Variants in PABPC4 observed in about 807,000 individuals in gnomAD.
PABPC4 encodes the protein poly(A) binding protein cytoplasmic 4, also known as polyadenylate-binding protein 4.
A neutral mutation model predicts 74.5 loss-of-function variants in PABPC4; 15 were observed. The observed-to-expected ratio is 0.20, with a 90% confidence interval of 0.13 to 0.31. The LOEUF is 0.31. PABPC4 is among the 10% of genes least tolerant of loss of function. The probability of loss-of-function intolerance (pLI) is 1.00; values close to 1 mark genes in which losing one functional copy is unlikely to be tolerated. For synonymous variants in PABPC4, 345 were observed against 303.0 expected (o/e 1.14, Z -1.44); for missense variants, 610 against 853.5 (o/e 0.71, Z 3.55).
chr1:39,575,675 C>T, intron 1 of PABPC4, 84 bp downstream of exon 1: 1 of 1,195,628 alleles, frequency 8.4e-7, no homozygotes, highest in Admixed American at 2.8e-5. Context: ...TGATGCCGCC[C>T]TCCTCGGCAG....
intron 3 of PABPC4, 119 bp from the exon 4 acceptor site, chr1:39,570,121 A>G: frequency 1.0e-6 from 1 of 981,112 alleles, no homozygotes; most frequent in Non-Finnish European, 1.5e-6. Context: ...ATCCCCATCC[A>G]CCACCAAGGA....
intron 2 of PABPC4, 86 bp downstream of exon 2, chr1:39,572,307 A>G (rs1645953545): frequency 9.5e-7 from 1 of 1,055,778 alleles, no homozygotes; most frequent in Non-Finnish European, 1.4e-6. Context: ...TTGTTCCCCA[A>G]TTCCAAGATA....
intron 8 of PABPC4, 26 bp downstream of exon 8, chr1:39,565,080 G>T (rs375737816): frequency 8.1e-6 from 13 of 1,610,332 alleles, no homozygotes; most frequent in Non-Finnish European, 1.1e-5. Flanking sequence ...AGGTTCCCAA[G>T]AGCTGTGACC....
chr1:39,574,891 G>C (rs1645994828), intron 1 of PABPC4, among the ~76,000 whole-genome samples: 1 of 152,208 alleles, frequency 6.6e-6, no homozygotes, highest in Non-Finnish European at 1.5e-5. Context: ...CATGCTCCAC[G>C]CTAAGGCCAC....
intron 6 of PABPC4, 89 bp downstream of exon 6, chr1:39,568,713 C>A: frequency 8.0e-7 from 1 of 1,247,574 alleles, no homozygotes; most frequent in Non-Finnish European, 1.1e-6. Flanking sequence ...CACTCCAAGT[C>A]CTCAAAAAGA....
chr1:39,576,452 G>C lies in PABPC4; in HGVS notation c.-501C>G, dbSNP rs1340871296. ...ACTCGGCGAGCCCCGGGCGGGCGGC[G>C]AAGGGCAGCACGGACACGTGGTGCG... On this transcript the variant is annotated 5_prime_UTR_variant, in exon 1 of 16. Transcript: ENST00000372858. 2 of 151,000 alleles carry C rather than the reference G, an allele frequency of 1.3e-5. No individual in the cohort carries two copies. Among genetic ancestry groups the C allele is most frequent in the Non-Finnish European group, 3.0e-5 (2 of 67,582 alleles). The allele number at this position is 151,000 out of a possible 1,614,324, so 9.4% of individuals were successfully genotyped here.
chr1:39,576,152 G>A lies in PABPC4; in HGVS notation c.-201C>T, dbSNP rs935440834. ...GGCCGGCTCCCACGGCCGCAGCACC[G>A]CAGACAAAAGGCTCTCCGCACAATA... On this transcript the variant is annotated 5_prime_UTR_variant, in exon 1 of 16. Transcript: ENST00000372858. 1.6e-5 allele frequency: 8 copies of A among 504,192 alleles called. No individual in the cohort carries two copies. Among genetic ancestry groups the A allele is most frequent in the African/African-American group, 1.4e-4 (7 of 48,950 alleles). The allele number at this position is 504,192 out of a possible 1,614,324, so 31.2% of individuals were successfully genotyped here.
intron 12 of PABPC4, chr1:39,563,085 A>G: frequency 6.4e-6 from 1 of 155,320 alleles, no homozygotes; most frequent in Non-Finnish European, 1.4e-5. Flanking sequence ...TGACACCTCC[A>G]CAGCAAATTG....
intron 1 of PABPC4, among the ~76,000 whole-genome samples, chr1:39,575,360 C>A (rs190763932): frequency 8.1e-4 from 124 of 152,284 alleles, no homozygotes; most frequent in African/African-American, 2.7e-3. Flanking sequence ...GTAAAACTTT[C>A]GCGGGGAATT....
chr1:39,569,053 C>T, intron 5 of PABPC4, 114 bp from the exon 6 acceptor site: 1 of 1,106,068 alleles, frequency 9.0e-7, no homozygotes, highest in South Asian at 1.5e-5. Context: ...TAAATTCACT[C>T]CACCTCTGAA....
In PABPC4 at chr1:39,564,986, T is replaced by C. The variant is rs143913717; in HGVS notation, c.1245+120A>G. ...CCATGGGTAAGTCCTTCATTTTTACTTGAAGGGTCCTTATTGTGACATTCT... is the reference window on the plus strand; with the variant it reads ...CCATGGGTAAGTCCTTCATTTTTACCTGAAGGGTCCTTATTGTGACATTCT... On this transcript the variant is annotated intron_variant, in intron 8 of 15. Transcript: ENST00000372858. 1,083 of 1,137,694 alleles carry C rather than the reference T, an allele frequency of 9.5e-4. 5 individuals are homozygous for C. Among genetic ancestry groups the C allele is most frequent in the East Asian group, 8.9e-3 (361 of 40,702 alleles). The allele number at this position is 1,137,694 out of a possible 1,614,324, so 70.5% of individuals were successfully genotyped here.
chr1:39,570,635 CT>C (rs1184792538), intron 3 of PABPC4: 2 of 155,170 alleles, frequency 1.3e-5, no homozygotes, highest in Admixed American at 6.3e-5. Flanking sequence ...TAAGTTCCCC[CT>C]CTCTGCATTC....
Position 39,569,713 on chromosome 1 carries a change from T to C in PABPC4, c.644-24A>G, listed in dbSNP as rs1429548010. The C allele has an allele frequency of 4.4e-6, 7 of 1,595,776 alleles. No homozygotes were observed. The African/African-American group carries it at 6.7e-5, about 15-fold the overall frequency. On this transcript the variant is annotated intron_variant, in intron 4 of 15. Coordinates refer to ENST00000372858, the MANE Select transcript of PABPC4 (RefSeq NM_001135653.2). Reference sequence around the variant, plus strand: ...ACCTATTACCAAAGGACAGAACTATTAGTAACACCATCTTGAGCACAGCTC... The same window carrying C: ...ACCTATTACCAAAGGACAGAACTATCAGTAACACCATCTTGAGCACAGCTC...
At chr1:39,570,078 G>A in intron 3 of PABPC4, 76 bp from the exon 4 acceptor site, 6 of 1,420,474 alleles carry the variant, frequency 4.2e-6, no homozygotes, top group Non-Finnish European at 5.8e-6. Flanking sequence ...AGGAATACAG[G>A]TTAAAGACTG....
intron 5 of PABPC4, among the ~76,000 whole-genome samples, chr1:39,569,294 C>T (rs954053828): frequency 6.6e-6 from 1 of 152,198 alleles, no homozygotes; most frequent in African/African-American, 2.4e-5. Flanking sequence ...AAGTAGCTGC[C>T]GTGCTGTTAT....
rs1402269112 is a variant in PABPC4, at chr1:39,576,749, C to T, written c.-798G>A. On this transcript the variant is annotated 5_prime_UTR_variant, in exon 1 of 16. Coordinates refer to ENST00000372858, the MANE Select transcript of PABPC4 (RefSeq NM_001135653.2). ...CTCTTTTTTTCCTCAGGCTGCGAAG[C>T]CCGAAAGCGGCGGAGGCGGCAGCGA... is the stretch of plus-strand genomic sequence containing the variant. 6.7e-6 allele frequency: 1 copy of T among 150,072 alleles called. No individual in the cohort carries two copies. Among genetic ancestry groups the T allele is most frequent in the African/African-American group, 2.4e-5 (1 of 41,190 alleles). 9.3% of individuals were successfully genotyped at this position (150,072 alleles called of 1,614,324 possible).
At chr1:39,575,558 C>T (rs978365759) in intron 1 of PABPC4, among the ~76,000 whole-genome samples, 5 of 152,194 alleles carry the variant, frequency 3.3e-5, no homozygotes, top group Admixed American at 1.3e-4. Context: ...CAAGGTCACC[C>T]AGTTAGCAAG....
chr1:39,569,489 A>G, intron 5 of PABPC4, 106 bp downstream of exon 5: 1 of 779,468 alleles, frequency 1.3e-6, no homozygotes, highest in South Asian at 1.5e-5. Context: ...TACATCTACT[A>G]CCAGATACTC....
Position 39,564,416 on chromosome 1 carries a change from T to C in PABPC4, c.1453+7A>G, listed in dbSNP as rs1478215804. ...CAGGCCACACTTCTAAAGGCCAGTT[T>C]GCTCACCGACTCTCTGAGTGGTAGT... On this transcript the variant is annotated splice_region_variant and intron_variant, in intron 10 of 15. Coordinates refer to ENST00000372858, the MANE Select transcript of PABPC4 (RefSeq NM_001135653.2). The C allele has an allele frequency of 1.2e-6, 2 of 1,613,222 alleles. No homozygotes were observed. Among genetic ancestry groups the C allele is most frequent in the Admixed American group, 3.3e-5 (2 of 60,006 alleles).
Sources: allele counts gnomAD v4.1 joint callset (sites outside exome capture counted in the v4.1 genomes callset), GRCh38; gene constraint gnomAD v4.1.1; transcripts MANE v1.5; gene names NCBI Gene and HGNC (gene_info 2026-07-23, HGNC 2026-07-21).